CLGN: variants seen among roughly 807,000 people sequenced by gnomAD.
The protein encoded by CLGN is calmegin, also known as testis tissue sperm-binding protein Li 79P.
A neutral mutation model predicts 79.1 loss-of-function variants in CLGN; 62 were observed. The ratio of observed to expected loss-of-function variants is 0.78; its 90% CI spans 0.64 to 0.97. The LOEUF (loss-of-function observed/expected upper bound fraction) is 0.97, where lower values mean the gene tolerates loss of function less well. CLGN is among the 50% of genes least tolerant of loss of function. The pLI is 0.00. For missense variants in CLGN, 647 were observed against 715.5 expected (o/e 0.90, Z 1.09); for synonymous variants, 225 against 224.7 (o/e 1.00, Z -0.01).
intron 10 of CLGN, among the ~76,000 whole-genome samples, chr4:140,394,347 A>G (rs1728830412): frequency 6.6e-6 from 1 of 152,210 alleles, no homozygotes; most frequent in Admixed American, 6.5e-5. Context: ...TAGATTTAGT[A>G]AAGTTATTCA....
Position 140,421,453 on chromosome 4 carries a change from C to T in CLGN, c.-10+6084G>A, listed in dbSNP as rs1272591207. On this transcript the variant is annotated intron_variant, in intron 1 of 14. Transcript: ENST00000325617. ...TCCAATTTCTACACATCCTTGCCAA[C>T]ATTTGTTCAAAATTATGTTTTTTTA... 3.3e-5 allele frequency among the ~76,000 whole-genome samples: 5 copies of T among 152,060 alleles called. No individual in the cohort carries two copies. In the South Asian group the frequency reaches 1.0e-3, roughly 32 times the overall value.
At chr4:140,424,993 C>T (rs992294723) in intron 1 of CLGN, among the ~76,000 whole-genome samples, 1 of 152,200 alleles carries the variant, frequency 6.6e-6, no homozygotes, top group South Asian at 2.1e-4. Flanking sequence ...CTACCACCCC[C>T]AAATTACAAA....
chr4:140,401,985 C>T lies in CLGN; in HGVS notation c.501G>A (p.Leu167=). 3 of 1,497,568 alleles carry T rather than the reference C, an allele frequency of 2.0e-6. No homozygotes were observed. The highest frequency in any genetic ancestry group is 2.0e-5 in the Admixed American group (1 of 50,024). 92.8% of individuals were successfully genotyped at this position (1,497,568 alleles called of 1,614,324 possible). A position where few individuals can be genotyped will look rare whatever the true frequency, so the allele number is the denominator to read the frequency against. The change falls in exon 6 of 15, where the codon CTG becomes CTA. Residue 167 remains leucine (L), a splice_region_variant and synonymous_variant. Transcript: ENST00000325617. ...TTTCTTAAATATTAAAATATCATAC[C>T]AGAATCAAATCATCAGTGTCTGCTA... ...KLLADTDDLI[L]ENFYDKTSYI... is the part of the protein sequence containing the mutation.
chr4:140,392,873 C>CAAATTAAATTAAAAA (rs1728802788), intron 11 of CLGN, among the ~76,000 whole-genome samples, 162 bp from the exon 12 acceptor site: 1 of 152,028 alleles, frequency 6.6e-6, no homozygotes, highest in South Asian at 2.1e-4. Context: ...TTTGTAAAGT[C>CAAATTAAATTAAAAA]TAATTTAATT....
At position 140,388,596 on chromosome 4, in the gene CLGN, C is replaced by T. The variant is rs1404115595; in HGVS notation, c.*628G>A. 1 of 151,556 alleles carries T rather than the reference C, an allele frequency of 6.6e-6. No individual in the cohort carries two copies. Among genetic ancestry groups the T allele is most frequent in the Non-Finnish European group, 1.5e-5 (1 of 67,742 alleles). The allele number at this position is 151,556 out of a possible 1,614,324, so 9.4% of individuals were successfully genotyped here. A position where few individuals can be genotyped will look rare whatever the true frequency, so the allele number is the denominator to read the frequency against. ...TACATCATTTTGTTTTGATAAAACC[C>T]ATTATCCTTGTATTCAAATGTAAAA... On this transcript the variant is annotated 3_prime_UTR_variant, in exon 15 of 15. Coordinates refer to ENST00000325617, the MANE Select transcript of CLGN (RefSeq NM_004362.3).
chr4:140,425,429 GGTGTGTGTGTGTGT>G (rs754897067), intron 1 of CLGN, among the ~76,000 whole-genome samples: 5 of 116,888 alleles, frequency 4.3e-5, no homozygotes, highest in African/African-American at 1.2e-4. Context: ...GAATCAATAG[GGTGTGTGTGTGTGT>G]GTGTGTGTGT....
At chr4:140,413,161 A>G in intron 1 of CLGN, 74 bp from the exon 2 acceptor site, 1 of 1,150,228 alleles carries the variant, frequency 8.7e-7, no homozygotes, top group Non-Finnish European at 1.3e-6. Context: ...GTAGAAATAA[A>G]TAATTTCTCC....
At chr4:140,392,838 G>A in intron 11 of CLGN, 127 bp from the exon 12 acceptor site, 1 of 828,690 alleles carries the variant, frequency 1.2e-6, no homozygotes, top group Admixed American at 3.6e-5. Context: ...GTAAGTAAAA[G>A]AAGTTTCATT....
chr4:140,402,669 T>C (rs1729021350), intron 5 of CLGN, among the ~76,000 whole-genome samples: 1 of 152,106 alleles, frequency 6.6e-6, no homozygotes, highest in South Asian at 2.1e-4. Flanking sequence ...AGAATGAACA[T>C]GAGAGTCTCT....
chr4:140,402,999 T>A (rs1367005172), intron 5 of CLGN, among the ~76,000 whole-genome samples: 6 of 152,078 alleles, frequency 3.9e-5, no homozygotes, highest in African/African-American at 1.2e-4. Flanking sequence ...AGGTAAAACA[T>A]GATAGTATAC....
chr4:140,407,586 CAAAAAAA>C (rs33994946), intron 4 of CLGN, among the ~76,000 whole-genome samples: 3 of 127,798 alleles, frequency 2.3e-5, no homozygotes, highest in African/African-American at 8.7e-5. Flanking sequence ...ACAATGGCTG[CAAAAAAA>C]AAAAAAAAAA....
At chr4:140,389,338 G>A (rs779063610) in intron 14 of CLGN, 34 bp from the exon 15 acceptor site, 7 of 1,492,410 alleles carry the variant, frequency 4.7e-6, no homozygotes, top group Non-Finnish European at 6.5e-6. Context: ...GTTTCTTTTA[G>A]TATAACACAT....
At chr4:140,423,083 A>G (rs1406636651) in intron 1 of CLGN, among the ~76,000 whole-genome samples, 2 of 150,878 alleles carry the variant, frequency 1.3e-5, no homozygotes, top group African/African-American at 4.9e-5. Flanking sequence ...GGCTCGGGAG[A>G]AGTGGAAAAA....
intron 1 of CLGN, among the ~76,000 whole-genome samples, chr4:140,424,880 G>T (rs1289517619): frequency 6.6e-6 from 1 of 152,186 alleles, no homozygotes; most frequent in Non-Finnish European, 1.5e-5. Flanking sequence ...CTTTATCCAT[G>T]AATGAGATAC....
intron 13 of CLGN, 46 bp downstream of exon 13, chr4:140,392,173 G>A (rs1728784406): frequency 6.3e-7 from 1 of 1,591,182 alleles, no homozygotes; most frequent in Admixed American, 1.8e-5. Context: ...ACAGTTTTAT[G>A]AGCTTTACCC....
chr4:140,406,926 G>A (rs553582306), intron 4 of CLGN, among the ~76,000 whole-genome samples: 16 of 151,986 alleles, frequency 1.1e-4, no homozygotes, highest in African/African-American at 2.9e-4. Flanking sequence ...AATTCAATTC[G>A]ACAAAACTGG....
chr4:140,423,951 C>A (rs1462387661), intron 1 of CLGN, among the ~76,000 whole-genome samples: 1 of 151,872 alleles, frequency 6.6e-6, no homozygotes, highest in African/African-American at 2.4e-5. Context: ...TTTTTGTTGA[C>A]CTTTTCGAAG....
chr4:140,394,507 A>G (rs1728833456), intron 10 of CLGN, among the ~76,000 whole-genome samples: 1 of 152,202 alleles, frequency 6.6e-6, no homozygotes, highest in South Asian at 2.1e-4. Flanking sequence ...CTTCCATTAG[A>G]TCTTAAATGA....
intron 1 of CLGN, among the ~76,000 whole-genome samples, chr4:140,413,504 G>A (rs530090975): frequency 3.3e-5 from 5 of 152,352 alleles, no homozygotes; most frequent in South Asian, 4.1e-4. Context: ...TGCGTGCACC[G>A]TGCGTGAGCC....
Sources: allele counts gnomAD v4.1 joint callset (sites outside exome capture counted in the v4.1 genomes callset), GRCh38; gene constraint gnomAD v4.1.1; transcripts MANE v1.5; gene names NCBI Gene and HGNC (gene_info 2026-07-23, HGNC 2026-07-21).